The following WDFY3 variants were observed in gnomAD, a reference collection of about 807,000 sequenced individuals.
The protein encoded by WDFY3 is WD repeat and FYVE domain-containing protein 3.
In WDFY3, 66 loss-of-function variants were observed where a neutral mutation model predicts 409.6. The observed-to-expected ratio is 0.16, with a 90% CI of 0.13 to 0.20. The LOEUF is 0.20. Ranked by LOEUF, WDFY3 falls within the 10% of genes least tolerant of loss-of-function variation. The pLI, the probability that WDFY3 is intolerant of heterozygous loss-of-function variation, is 1.00. For synonymous variants in WDFY3, 1,521 were observed against 1,537.1 expected (o/e 0.99, Z 0.25); for missense variants, 3,031 against 4,298.1 (o/e 0.71, Z 8.24).
In WDFY3 at chr4:84,801,697, C is replaced by T. The variant is rs1560795741; in HGVS notation, c.2775G>A (p.Arg925=). ...EDHSLHPPLQ[R]MFERLASQAL... ...CCTGAGAGGCTAATCGTTCAAACATCCGCTGCAGGGGCGGGTGCAGTGAGT... is the reference window on the plus strand; with the variant it reads ...CCTGAGAGGCTAATCGTTCAAACATTCGCTGCAGGGGCGGGTGCAGTGAGT... Residue 925 remains arginine (R), a synonymous_variant, in exon 17 of 68, where the codon CGG becomes CGA. Transcript: ENST00000295888. 1 of 1,612,420 alleles carries T rather than the reference C, an allele frequency of 6.2e-7. No individual in the cohort carries two copies. The highest frequency in any genetic ancestry group is 1.7e-5 in the Admixed American group (1 of 59,988).
At chr4:84,728,418 T>A (rs1736020174) in intron 44 of WDFY3, among the ~76,000 whole-genome samples, 1 of 151,984 alleles carries the variant, frequency 6.6e-6, no homozygotes, top group Non-Finnish European at 1.5e-5. Flanking sequence ...TAATTCCAGC[T>A]GCTTGGAAGG....
chr4:84,809,024 G>A (rs1452286436), intron 14 of WDFY3: 2 of 152,130 alleles, frequency 1.3e-5, no homozygotes, highest in African/African-American at 4.8e-5. Flanking sequence ...GTAGTTACAT[G>A]GTCTATTGAT....
chr4:84,778,778 G>A (rs1746003938), intron 26 of WDFY3, 123 bp from the exon 27 acceptor site: 1 of 840,484 alleles, frequency 1.2e-6, no homozygotes, highest in Admixed American at 3.4e-5. Flanking sequence ...CATACACACA[G>A]AATCCTATGT....
At chr4:84,844,524 A>AG (rs200489828) in intron 5 of WDFY3, 2 of 1,289,472 alleles carry the variant, frequency 1.6e-6, no homozygotes, top group Non-Finnish European at 2.0e-6. Context: ...TTAAAAAAAA[A>AG]GGCTGGGTTG....
chr4:84,758,030 C>T (rs955362481), intron 32 of WDFY3, among the ~76,000 whole-genome samples: 1 of 152,136 alleles, frequency 6.6e-6, no homozygotes, highest in African/African-American at 2.4e-5. Context: ...ACTAATGTAG[C>T]TTATGGCATC....
intron 22 of WDFY3, among the ~76,000 whole-genome samples, chr4:84,788,508 G>A (rs551507027): frequency 2.0e-5 from 3 of 152,228 alleles, no homozygotes; most frequent in East Asian, 3.9e-4. Flanking sequence ...AAGGAGCAAC[G>A]TACTAGAGAA....
intron 27 of WDFY3, 100 bp downstream of exon 27, chr4:84,778,403 A>G (rs1429326580): frequency 2.8e-6 from 3 of 1,082,828 alleles, no homozygotes; most frequent in Non-Finnish European, 3.8e-6. Context: ...ATAAAATTAT[A>G]GGGCTTTAAA....
At chr4:84,903,317 G>T (rs561438043) in intron 2 of WDFY3, among the ~76,000 whole-genome samples, 1 of 151,984 alleles carries the variant, frequency 6.6e-6, no homozygotes, top group Non-Finnish European at 1.5e-5. Flanking sequence ...GTTTGTTTGC[G>T]TCAAACAAAC....
At chr4:84,965,512 AC>A (rs773885755) in intron 1 of WDFY3, among the ~76,000 whole-genome samples, 9 of 152,330 alleles carry the variant, frequency 5.9e-5, no homozygotes, top group Non-Finnish European at 1.3e-4. Context: ...GAAAAACTGC[AC>A]CTGAGGCTCA....
At chr4:84,802,260 T>G (rs972715996) in intron 16 of WDFY3, among the ~76,000 whole-genome samples, 1 of 151,288 alleles carries the variant, frequency 6.6e-6, no homozygotes. Context: ...GCATACTTTT[T>G]TTTTTTTTTT....
At chr4:84,801,903 T>G (rs1361827455) in intron 16 of WDFY3, 39 bp from the exon 17 acceptor site, 2 of 1,585,176 alleles carry the variant, frequency 1.3e-6, no homozygotes, top group South Asian at 2.2e-5. Context: ...CAGGTCATTC[T>G]TAGTGAGAAA....
intron 51 of WDFY3, among the ~76,000 whole-genome samples, chr4:84,710,476 A>C (rs1732699100): frequency 6.6e-6 from 1 of 152,224 alleles, no homozygotes; most frequent in South Asian, 2.1e-4. Context: ...ACCAGGAGAA[A>C]GTATTTATAT....
At chr4:84,732,545 T>G (rs1178013864) in intron 44 of WDFY3, among the ~76,000 whole-genome samples, 1 of 152,168 alleles carries the variant, frequency 6.6e-6, no homozygotes, top group African/African-American at 2.4e-5. Flanking sequence ...CCTCACTTCT[T>G]GGCCTCTGGA....
At chr4:84,912,911 C>A (rs907151676) in intron 2 of WDFY3, among the ~76,000 whole-genome samples, 1 of 152,116 alleles carries the variant, frequency 6.6e-6, no homozygotes, top group African/African-American at 2.4e-5. Flanking sequence ...AACCCTGAGT[C>A]TTGAAGGGAA....
At chr4:84,847,689 G>C (rs924690363) in intron 5 of WDFY3, among the ~76,000 whole-genome samples, 5 of 139,266 alleles carry the variant, frequency 3.6e-5, no homozygotes, top group African/African-American at 1.3e-4. Flanking sequence ...CAGGAGAATC[G>C]ATTGAACCCA....
Position 84,848,902 on chromosome 4 carries a change from A to G in WDFY3, c.304+1000T>C, listed in dbSNP as rs113066874. On this transcript the variant is annotated intron_variant, in intron 5 of 67. Coordinates refer to ENST00000295888, the MANE Select transcript of WDFY3 (RefSeq NM_014991.6). ...TCCTTTTCTATAATAATCATGCTGT[A>G]TGATGTAGTGGAATTTGTTCTAAGT... 9.9e-4 allele frequency among the ~76,000 whole-genome samples: 150 copies of G among 152,272 alleles called. 1 individual carries two copies. The Middle Eastern group carries it at 0.02, about 21-fold the overall frequency.
chr4:84,919,543 C>A (rs1377791181), intron 2 of WDFY3, among the ~76,000 whole-genome samples: 1 of 152,082 alleles, frequency 6.6e-6, no homozygotes, highest in Non-Finnish European at 1.5e-5. Context: ...TTCCCATAAT[C>A]CCCACATGTC....
At chr4:84,681,216 G>T (rs115849203) in intron 64 of WDFY3, among the ~76,000 whole-genome samples, 1 of 152,058 alleles carries the variant, frequency 6.6e-6, no homozygotes, top group Non-Finnish European at 1.5e-5. Flanking sequence ...CCACAATAAA[G>T]ACATACAAAT....
At chr4:84,727,825 T>TA (rs1735914744) in intron 44 of WDFY3, among the ~76,000 whole-genome samples, 1 of 152,184 alleles carries the variant, frequency 6.6e-6, no homozygotes, top group African/African-American at 2.4e-5. Context: ...TACAAATACT[T>TA]CACATGGTTT....
Sources: allele counts gnomAD v4.1 joint callset (sites outside exome capture counted in the v4.1 genomes callset), GRCh38; gene constraint gnomAD v4.1.1; transcripts MANE v1.5; gene names NCBI Gene and HGNC (gene_info 2026-07-23, HGNC 2026-07-21).